The following EYA2 variants were observed in gnomAD, a reference collection of about 807,000 sequenced individuals.
EYA2 encodes protein phosphatase EYA2.
A neutral mutation model predicts 69.2 loss-of-function variants in EYA2; 31 were observed. The ratio of observed to expected loss-of-function variants is 0.45; its 90% CI spans 0.34 to 0.60. EYA2 has a LOEUF of 0.60. EYA2 is among the 20% of genes least tolerant of loss of function. The pLI is 0.02. For synonymous variants in EYA2, 257 were observed against 279.4 expected (o/e 0.92, Z 0.80); for missense variants, 622 against 701.2 (o/e 0.89, Z 1.28).
chr20:46,983,482 G>C (rs577068555), intron 1 of EYA2, among the ~76,000 whole-genome samples: 1 of 152,286 alleles, frequency 6.6e-6, no homozygotes, highest in Non-Finnish European at 1.5e-5. Context: ...TGTTTCTCAA[G>C]GCTCCTCATC....
At chr20:47,072,806 C>T (rs1478781445) in intron 6 of EYA2, among the ~76,000 whole-genome samples, 10 of 152,104 alleles carry the variant, frequency 6.6e-5, no homozygotes. Flanking sequence ...GTACACCTTC[C>T]CTGTACACCT....
At chr20:46,978,578 A>G (rs1600601836) in intron 1 of EYA2, 1 of 534,698 alleles carries the variant, frequency 1.9e-6, no homozygotes, top group Non-Finnish European at 3.8e-6. Context: ...TGTGTTCGGA[A>G]CTCTTTGCTT....
chr20:47,003,039 G>T (rs1982477949), intron 3 of EYA2, among the ~76,000 whole-genome samples: 1 of 152,202 alleles, frequency 6.6e-6, no homozygotes, highest in Admixed American at 6.5e-5. Context: ...TAACCAAAAT[G>T]GAATCAGATA....
At chr20:46,956,978 A>G (rs1215057738) in intron 1 of EYA2, among the ~76,000 whole-genome samples, 3 of 152,158 alleles carry the variant, frequency 2.0e-5, no homozygotes, top group Non-Finnish European at 4.4e-5. Flanking sequence ...ACCCAACCCT[A>G]TGATTTAATT....
At chr20:47,010,712 A>G (rs1268002218) in intron 4 of EYA2, among the ~76,000 whole-genome samples, 1 of 150,932 alleles carries the variant, frequency 6.6e-6, no homozygotes, top group African/African-American at 2.4e-5. Flanking sequence ...TATAAATATA[A>G]TATATATAAA....
Position 47,120,126 on chromosome 20 carries a change from T to C in EYA2, c.889-22933T>C, listed in dbSNP as rs201123801. 5.3e-5 allele frequency among the ~76,000 whole-genome samples: 8 copies of C among 152,226 alleles called. No individual in the cohort carries two copies. The East Asian group carries it at 1.5e-3, about 29-fold the overall frequency. ...AGGAGACTGAGGCAGAAGAATTGTT[T>C]GAATCCAGGAGGCAGAGGTTGCAGT... On this transcript the variant is annotated intron_variant, in intron 9 of 15. Coordinates refer to ENST00000327619, the MANE Select transcript of EYA2 (RefSeq NM_005244.5).
intron 1 of EYA2, among the ~76,000 whole-genome samples, chr20:46,929,663 A>G (rs1483993470): frequency 1.3e-5 from 2 of 152,070 alleles, no homozygotes; most frequent in Non-Finnish European, 2.9e-5. Flanking sequence ...GGCCTTGTGC[A>G]GGGTCCGCTC....
intron 1 of EYA2, among the ~76,000 whole-genome samples, chr20:46,986,789 C>T (rs939542777): frequency 2.0e-5 from 3 of 152,114 alleles, no homozygotes; most frequent in African/African-American, 7.2e-5. Flanking sequence ...AGAACAAGAA[C>T]TCACTCATAC....
intron 10 of EYA2, among the ~76,000 whole-genome samples, chr20:47,159,787 C>T (rs189864826): frequency 2.0e-5 from 3 of 151,990 alleles, no homozygotes; most frequent in Non-Finnish European, 4.4e-5. Context: ...GTCAGGAGTT[C>T]GAGACCAGTC....
intron 10 of EYA2, 100 bp from the exon 11 acceptor site, chr20:47,169,039 T>A (rs1172554600): frequency 1.9e-6 from 2 of 1,055,454 alleles, no homozygotes; most frequent in Non-Finnish European, 2.9e-6. Context: ...AGTGCAGTGC[T>A]CATCCCAGCC....
intron 10 of EYA2, among the ~76,000 whole-genome samples, chr20:47,165,567 G>C (rs1220581109): frequency 6.6e-6 from 1 of 152,178 alleles, no homozygotes; most frequent in Non-Finnish European, 1.5e-5. Context: ...GCACACCACT[G>C]TCCAAACCCA....
chr20:46,910,909 C>T (rs1045444746), intron 1 of EYA2, among the ~76,000 whole-genome samples: 4 of 152,174 alleles, frequency 2.6e-5, no homozygotes, highest in Non-Finnish European at 2.9e-5. Context: ...TCCACATTAC[C>T]GCAGTTGACT....
chr20:46,963,688 T>G (rs1447239872), intron 1 of EYA2, among the ~76,000 whole-genome samples: 1 of 152,170 alleles, frequency 6.6e-6, no homozygotes, highest in Non-Finnish European at 1.5e-5. Context: ...AAAAAACACC[T>G]CCCAAGGTGG....
chr20:47,098,192 T>G (rs1291114829), intron 9 of EYA2, among the ~76,000 whole-genome samples: 1 of 152,178 alleles, frequency 6.6e-6, no homozygotes, highest in East Asian at 1.9e-4. Flanking sequence ...GGAATGCCGT[T>G]AATATGTCTA....
At chr20:47,092,707 A>C (rs1022692067) in intron 8 of EYA2, among the ~76,000 whole-genome samples, 2 of 152,192 alleles carry the variant, frequency 1.3e-5, no homozygotes, top group Non-Finnish European at 2.9e-5. Context: ...TATTCTGGAA[A>C]CATCTGCTTC....
chr20:47,039,581 G>T (rs917669054), intron 5 of EYA2, among the ~76,000 whole-genome samples: 1 of 152,184 alleles, frequency 6.6e-6, no homozygotes, highest in Non-Finnish European at 1.5e-5. Flanking sequence ...ACTTGGGCAT[G>T]CATATACCTA....
chr20:47,063,255 C>CA (rs1568754287), intron 5 of EYA2, among the ~76,000 whole-genome samples: 1 of 151,940 alleles, frequency 6.6e-6, no homozygotes, highest in African/African-American at 2.4e-5. Flanking sequence ...CACAAGCCTA[C>CA]TTTTTTTTGT....
chr20:47,119,693 A>G (rs775524021), intron 9 of EYA2, among the ~76,000 whole-genome samples: 17 of 152,128 alleles, frequency 1.1e-4, no homozygotes, highest in Non-Finnish European at 2.4e-4. Context: ...TTGGGTACAG[A>G]GTTTCCTTTT....
intron 9 of EYA2, among the ~76,000 whole-genome samples, chr20:47,110,480 C>T (rs994728564): frequency 4.6e-5 from 7 of 152,030 alleles, no homozygotes; most frequent in Non-Finnish European, 1.0e-4. Context: ...GGCTTAAATC[C>T]CAAAGTGCTG....
Sources: allele counts gnomAD v4.1 joint callset (sites outside exome capture counted in the v4.1 genomes callset), GRCh38; gene constraint gnomAD v4.1.1; transcripts MANE v1.5; gene names NCBI Gene and HGNC (gene_info 2026-07-23, HGNC 2026-07-21).